The following CCDC50 variants were observed in gnomAD, a reference collection of about 807,000 sequenced individuals.
CCDC50 encodes the protein coiled-coil domain-containing protein 50.
In CCDC50, 54 loss-of-function variants were observed where a neutral mutation model predicts 70.2. The observed-to-expected ratio is 0.77, with a 90% CI of 0.62 to 0.96. The LOEUF (loss-of-function observed/expected upper bound fraction) is 0.96, where lower values mean the gene tolerates loss of function less well. Ranked by LOEUF, CCDC50 falls within the 50% of genes least tolerant of loss-of-function variation. CCDC50 has a pLI of 0.00. For missense variants in CCDC50, 558 were observed against 578.7 expected, an observed-to-expected ratio of 0.96 and a Z score of 0.37; for synonymous variants, 216 against 198.8, an observed-to-expected ratio of 1.09 and a Z score of -0.73.
intron 6 of CCDC50, among the ~76,000 whole-genome samples, chr3:191,379,876 C>T (rs1243357936): frequency 6.6e-6 from 1 of 152,064 alleles, no homozygotes; most frequent in Non-Finnish European, 1.5e-5. Context: ...TCACTTGCAA[C>T]TTCTTACATA....
Position 191,392,044 on chromosome 3 carries a change from T to C in CCDC50, c.*284T>C, listed in dbSNP as rs1487532483. ...AGACCTTTGTAAACTGCCATTTTGT[T>C]AGGTATGGAGTTTGGTATCTAGGGA... On this transcript the variant is annotated 3_prime_UTR_variant, in exon 12 of 12. Transcript: ENST00000392455. 1 of 389,566 alleles carries C rather than the reference T, an allele frequency of 2.6e-6. No individual in the cohort carries two copies. Among genetic ancestry groups the C allele is most frequent in the East Asian group, 4.6e-5 (1 of 21,688 alleles). The allele number at this position is 389,566 out of a possible 1,614,324, so 24.1% of individuals were successfully genotyped here. A position where few individuals can be genotyped will look rare whatever the true frequency, so the allele number is the denominator to read the frequency against.
intron 1 of CCDC50, among the ~76,000 whole-genome samples, chr3:191,337,448 G>A (rs1002270873): frequency 2.0e-5 from 3 of 151,480 alleles, no homozygotes; most frequent in Non-Finnish European, 4.4e-5. Context: ...AGGCTCGAGC[G>A]ATTCTCCTGC....
chr3:191,346,956 G>A (rs919379759), intron 1 of CCDC50, among the ~76,000 whole-genome samples: 2 of 98,672 alleles, frequency 2.0e-5, no homozygotes, highest in East Asian at 3.9e-4. Context: ...AGGAAGCCCA[G>A]TCTGCCATTT....
intron 10 of CCDC50, 101 bp from the exon 11 acceptor site, chr3:191,389,395 C>A: frequency 9.6e-7 from 1 of 1,043,038 alleles, no homozygotes; most frequent in Non-Finnish European, 1.5e-6. Flanking sequence ...TTTGGCTTTT[C>A]ATTTCACAAG....
chr3:191,336,104 A>G (rs1211430000), intron 1 of CCDC50, among the ~76,000 whole-genome samples: 1 of 151,856 alleles, frequency 6.6e-6, no homozygotes, highest in Admixed American at 6.5e-5. Context: ...GGTGACAGTA[A>G]AGTCACTCTA....
Position 191,353,233 on chromosome 3 carries a change from C to T in CCDC50, c.50-3855C>T, listed in dbSNP as rs546867763. Among the ~76,000 whole-genome samples, 291 of 142,190 alleles carry T rather than the reference C, an allele frequency of 2.0e-3. 26 individuals are homozygous for T. The highest frequency in any genetic ancestry group is 7.0e-3 in the African/African-American group (281 of 39,902). 93.3% of individuals were successfully genotyped at this position (142,190 alleles called of 152,430 possible). A position where few individuals can be genotyped will look rare whatever the true frequency, so the allele number is the denominator to read the frequency against. On this transcript the variant is annotated intron_variant, in intron 1 of 11. Coordinates refer to ENST00000392455, the MANE Select transcript of CCDC50 (RefSeq NM_178335.3). ...GGGCAGAGGGGAGAGCCTACGGGAC[C>T]ATTGAGATCTGGTGGGAACAAAGAA...
intron 4 of CCDC50, among the ~76,000 whole-genome samples, chr3:191,362,449 A>C (rs978010785): frequency 6.6e-6 from 1 of 152,112 alleles, no homozygotes; most frequent in Non-Finnish European, 1.5e-5. Flanking sequence ...CTTATGAACA[A>C]TTTATTTCAT....
At chr3:191,339,783 C>A (rs1466686934) in intron 1 of CCDC50, among the ~76,000 whole-genome samples, 4 of 152,194 alleles carry the variant, frequency 2.6e-5, no homozygotes, top group African/African-American at 9.7e-5. Context: ...TACTCTGATA[C>A]TGAAGACTCT....
intron 1 of CCDC50, 95 bp from the exon 2 acceptor site, chr3:191,356,993 G>A (rs1197179719): frequency 1.8e-5 from 14 of 786,540 alleles, no homozygotes; most frequent in Non-Finnish European, 3.1e-5. Context: ...TATTAGAATT[G>A]ATTTTTTTTA....
At chr3:191,367,450 C>A (rs1468877726) in intron 4 of CCDC50, among the ~76,000 whole-genome samples, 1 of 152,114 alleles carries the variant, frequency 6.6e-6, no homozygotes, top group Non-Finnish European at 1.5e-5. Context: ...AAATGAATCT[C>A]TTTTCTCCGA....
intron 9 of CCDC50, among the ~76,000 whole-genome samples, chr3:191,381,705 A>T (rs1382576780): frequency 6.6e-6 from 1 of 152,124 alleles, no homozygotes; most frequent in Non-Finnish European, 1.5e-5. Context: ...AGAGCAGAGG[A>T]ATAGGGAGAG....
chr3:191,330,222 C>T (rs552993161), intron 1 of CCDC50, among the ~76,000 whole-genome samples: 1 of 152,196 alleles, frequency 6.6e-6, no homozygotes, highest in African/African-American at 2.4e-5. Context: ...CCACCTTCCT[C>T]AAGGTTTAAA....
intron 2 of CCDC50, among the ~76,000 whole-genome samples, chr3:191,357,479 C>G (rs1332946858): frequency 1.3e-5 from 2 of 152,150 alleles, no homozygotes; most frequent in East Asian, 3.8e-4. Flanking sequence ...ATTCTTGCTC[C>G]TAGGATAGGG....
intron 1 of CCDC50, among the ~76,000 whole-genome samples, chr3:191,338,654 C>T (rs1340763009): frequency 6.6e-6 from 1 of 152,220 alleles, no homozygotes; most frequent in African/African-American, 2.4e-5. Flanking sequence ...GGTGGATCCA[C>T]AAATCATTCC....
At chr3:191,336,383 A>G (rs577105693) in intron 1 of CCDC50, among the ~76,000 whole-genome samples, 6 of 152,204 alleles carry the variant, frequency 3.9e-5, no homozygotes, top group East Asian at 1.9e-4. Flanking sequence ...GTGTCATGAT[A>G]TCTTATTGTG....
intron 9 of CCDC50, among the ~76,000 whole-genome samples, chr3:191,382,268 A>C (rs546092056): frequency 5.1e-4 from 77 of 152,158 alleles, no homozygotes; most frequent in Non-Finnish European, 1.1e-3. Context: ...TCTCTTGGAA[A>C]AGTTGACTTG....
At chr3:191,372,555 T>C (rs1246644254) in intron 5 of CCDC50, among the ~76,000 whole-genome samples, 1 of 152,192 alleles carries the variant, frequency 6.6e-6, no homozygotes, top group Non-Finnish European at 1.5e-5. Context: ...TGCCTTTGTA[T>C]ATCTATTTGA....
rs959984866 is a variant in CCDC50 at position 191,381,059 on chromosome 3, A to G, written c.1242+127A>G. 3.1e-5 allele frequency: 23 copies of G among 752,358 alleles called. No individual in the cohort carries two copies. In the African/African-American group the frequency reaches 3.9e-4, roughly 13 times the overall value. 46.6% of individuals were successfully genotyped at this position (752,358 alleles called of 1,614,324 possible). A position where few individuals can be genotyped will look rare whatever the true frequency, so the allele number is the denominator to read the frequency against. ...AATATATAAATTATCTGTATTGCAT[A>G]TGTGAATCTGATCTGTGAAGATTCC... On this transcript the variant is annotated intron_variant, in intron 9 of 11. Transcript: ENST00000392455.
At chr3:191,368,545 G>A (rs1286536538) in intron 4 of CCDC50, among the ~76,000 whole-genome samples, 2 of 151,982 alleles carry the variant, frequency 1.3e-5, no homozygotes, top group Non-Finnish European at 2.9e-5. Context: ...TGAGCATCCA[G>A]CTTGTTTCTG....
Sources: allele counts gnomAD v4.1 joint callset (sites outside exome capture counted in the v4.1 genomes callset), GRCh38; gene constraint gnomAD v4.1.1; transcripts MANE v1.5; gene names NCBI Gene and HGNC (gene_info 2026-07-23, HGNC 2026-07-21).